Variants in KCNMA1 observed in about 807,000 individuals in gnomAD.
KCNMA1 encodes the protein potassium calcium-activated channel subfamily M alpha 1, also known as Calcium-activated potassium channel subunit alpha-1.
Under a neutral mutation model 140.0 loss-of-function variants are expected in KCNMA1, and 29 were observed. That is an observed-to-expected ratio of 0.21 (90% CI 0.15 to 0.28). The LOEUF is 0.28. Among genes scored for constraint, KCNMA1 ranks in the 10% least tolerant of loss-of-function variants. The pLI is 1.00. For missense variants in KCNMA1, 880 were observed against 1,602.2 expected, an observed-to-expected ratio of 0.55 and a Z score of 7.70; for synonymous variants, 612 against 611.9, an observed-to-expected ratio of 1.00 and a Z score of 0.00.
chr10:77,564,647 C>A (rs542065138), intron 1 of KCNMA1, among the ~76,000 whole-genome samples: 1 of 152,184 alleles, frequency 6.6e-6, no homozygotes, highest in African/African-American at 2.4e-5. Context: ...CAAGACCAAG[C>A]GCTCTTTGAG....
At chr10:77,454,480 A>T (rs1217405600) in intron 1 of KCNMA1, among the ~76,000 whole-genome samples, 1 of 152,180 alleles carries the variant, frequency 6.6e-6, no homozygotes, top group Non-Finnish European at 1.5e-5. Flanking sequence ...TTCATCTTCT[A>T]ATTCTCTGCC....
chr10:77,223,025 C>T (rs1361171613), intron 3 of KCNMA1, among the ~76,000 whole-genome samples: 1 of 151,898 alleles, frequency 6.6e-6, no homozygotes, highest in Non-Finnish European at 1.5e-5. Context: ...GTCAGGAGTT[C>T]GAGACCAGCC....
At position 77,067,655 on chromosome 10, in the gene KCNMA1, T is replaced by A. The variant is rs146756525; in HGVS notation, c.1749+5442A>T. On this transcript the variant is annotated intron_variant, in intron 14 of 27. Transcript: ENST00000286628. ...TAGTTTCACCTCCTCAAAACAGCAG[T>A]GTGTGTCAATCCCTTCTTGGGAGCC... 5.3e-3 allele frequency among the ~76,000 whole-genome samples: 809 copies of A among 152,312 alleles called. 8 individuals carry two copies. Among genetic ancestry groups the A allele is most frequent in the African/African-American group, 0.019 (778 of 41,570 alleles).
rs546827360 is a variant in KCNMA1, at chr10:77,561,299, T to C, written c.378+75966A>G. ...GATACCAGTGAATGTATTAATGACA[T>C]ACACAGAGCTATCACTTCTACAGTG... On this transcript the variant is annotated intron_variant, in intron 1 of 27. Transcript: ENST00000286628. Among the ~76,000 whole-genome samples, 5 of 152,342 alleles carry C rather than the reference T, an allele frequency of 3.3e-5. 1 individual carries two copies. The highest frequency in any genetic ancestry group is 1.2e-4 in the African/African-American group (5 of 41,582).
At chr10:77,527,499 G>C (rs191114048) in intron 1 of KCNMA1, among the ~76,000 whole-genome samples, 3 of 152,236 alleles carry the variant, frequency 2.0e-5, no homozygotes, top group Non-Finnish European at 4.4e-5. Flanking sequence ...GCCAACTCAG[G>C]GTCACTTCTG....
chr10:77,490,831 G>C (rs1488948718), intron 1 of KCNMA1, among the ~76,000 whole-genome samples: 3 of 152,058 alleles, frequency 2.0e-5, no homozygotes, highest in Non-Finnish European at 4.4e-5. Context: ...AAATCTCTAG[G>C]ACCACACAGA....
downstream of KCNMA1, chr10:76,884,514 G>T (rs79050898): frequency 6.6e-6 from 1 of 152,362 alleles, no homozygotes; most frequent in Non-Finnish European, 1.4e-5. Context: ...CTGGGATTGG[G>T]GGGTGGCAAT....
intron 2 of KCNMA1, among the ~76,000 whole-genome samples, chr10:77,305,397 T>C (rs761950924): frequency 9.2e-5 from 14 of 152,320 alleles, no homozygotes; most frequent in East Asian, 3.9e-4. Context: ...TCTCAACTTA[T>C]AGAGAAAGAA....
At chr10:77,439,156 AGAG>A (rs879690965) in intron 1 of KCNMA1, among the ~76,000 whole-genome samples, 4,763 of 139,928 alleles carry the variant, frequency 0.034, 89 homozygotes, top group Non-Finnish European at 0.041. Flanking sequence ...AGAAAAGAGA[AGAG>A]AAGAAAAGAA....
At chr10:77,228,823 G>C (rs893580660) in intron 3 of KCNMA1, among the ~76,000 whole-genome samples, 1 of 152,150 alleles carries the variant, frequency 6.6e-6, no homozygotes, top group East Asian at 1.9e-4. Flanking sequence ...ATGTGGCATT[G>C]GTCCAAAGCC....
At chr10:77,018,384 A>C (rs143196874) in intron 17 of KCNMA1, among the ~76,000 whole-genome samples, 1 of 152,346 alleles carries the variant, frequency 6.6e-6, no homozygotes, top group African/African-American at 2.4e-5. Flanking sequence ...ATAATATTCC[A>C]TGTTGTGCTG....
chr10:77,136,366 C>T (rs542226655), intron 5 of KCNMA1, among the ~76,000 whole-genome samples: 10 of 151,950 alleles, frequency 6.6e-5, no homozygotes, highest in Non-Finnish European at 1.3e-4. Context: ...AGTAGAATGT[C>T]GAAATTAAAA....
chr10:76,958,326 T>A (rs2069262150), intron 20 of KCNMA1, among the ~76,000 whole-genome samples: 1 of 152,216 alleles, frequency 6.6e-6, no homozygotes, highest in South Asian at 2.1e-4. Flanking sequence ...TACCTAAGTC[T>A]TCCACTCACA....
chr10:77,067,542 T>C (rs916942676), intron 14 of KCNMA1, among the ~76,000 whole-genome samples: 6 of 152,224 alleles, frequency 3.9e-5, no homozygotes, highest in Non-Finnish European at 8.8e-5. Context: ...TCTGTTTCTG[T>C]AGAGAACCCT....
intron 5 of KCNMA1, among the ~76,000 whole-genome samples, chr10:77,174,912 C>G (rs2098739335): frequency 6.6e-6 from 1 of 152,170 alleles, no homozygotes; most frequent in Non-Finnish European, 1.5e-5. Context: ...TAGGTCACAC[C>G]CTCCACCCAG....
At chr10:77,520,132 T>G (rs1385404519) in intron 1 of KCNMA1, among the ~76,000 whole-genome samples, 1 of 150,246 alleles carries the variant, frequency 6.7e-6, no homozygotes, top group Admixed American at 6.6e-5. Flanking sequence ...GGGTATGCAG[T>G]GTGAGGGTGT....
intron 5 of KCNMA1, among the ~76,000 whole-genome samples, chr10:77,159,909 C>T (rs1419857553): frequency 2.0e-4 from 31 of 152,184 alleles, no homozygotes; most frequent in Non-Finnish European, 5.9e-5. Context: ...TCTAAATTCA[C>T]AAAACATTCA....
Position 77,628,006 on chromosome 10 carries a change from G to C in KCNMA1, c.378+9259C>G, listed in dbSNP as rs537434981. 8.5e-5 allele frequency among the ~76,000 whole-genome samples: 13 copies of C among 152,060 alleles called. No homozygotes were observed. In the East Asian group the frequency reaches 1.7e-3, roughly 20 times the overall value. ...CCCCCAGCCAGCAGAGGCCACTCTCGATCCCACCCCCCAGCCCCAGTTCAC... is the reference window on the plus strand; with the variant it reads ...CCCCCAGCCAGCAGAGGCCACTCTCCATCCCACCCCCCAGCCCCAGTTCAC... On this transcript the variant is annotated intron_variant, in intron 1 of 27. Coordinates refer to ENST00000286628, the MANE Select transcript of KCNMA1 (RefSeq NM_001161352.2).
chr10:77,410,587 G>A (rs2154475485), intron 1 of KCNMA1, among the ~76,000 whole-genome samples: 1 of 152,336 alleles, frequency 6.6e-6, no homozygotes, highest in East Asian at 1.9e-4. Context: ...CTGAAATCAT[G>A]TCACTGTTGT....
Sources: allele counts gnomAD v4.1 joint callset (sites outside exome capture counted in the v4.1 genomes callset), GRCh38; gene constraint gnomAD v4.1.1; transcripts MANE v1.5; gene names NCBI Gene and HGNC (gene_info 2026-07-23, HGNC 2026-07-21).